The following UTS2 variants were observed in gnomAD, a reference collection of about 807,000 sequenced individuals.
UTS2 encodes urotensin-2.
A neutral mutation model predicts 12.6 loss-of-function variants in UTS2; 10 were observed. The ratio of observed to expected loss-of-function variants is 0.80; its 90% confidence interval spans 0.49 to 1.35. The LOEUF is 1.35. Among genes scored for constraint, UTS2 ranks in the 40% most tolerant of loss-of-function variants. The probability of loss-of-function intolerance (pLI) is 0.00; values close to 1 mark genes in which losing one functional copy is unlikely to be tolerated. For missense variants in UTS2, 142 were observed against 143.2 expected (o/e 0.99, Z 0.04); for synonymous variants, 52 against 50.0 (o/e 1.04, Z -0.17).
the UTS2 span, among the ~76,000 whole-genome samples, chr1:7,879,307 T>C: frequency 6.6e-6 from 1 of 152,128 alleles, no homozygotes; most frequent in Non-Finnish European, 1.5e-5. Flanking sequence ...TCATATCAAG[T>C]ATCTTCTCAA....
chr1:7,862,974 TTATTTATTGTGTTGTGTTGTATTGTA>T, the UTS2 span, among the ~76,000 whole-genome samples: 1 of 129,470 alleles, frequency 7.7e-6, no homozygotes, highest in African/African-American at 3.0e-5. Flanking sequence ...CTGACGGCCG[TTATTTATTGTGTTGTGTTGTATTGTA>T]TTGTATTGTA....
At chr1:7,853,550 A>C, upstream of UTS2, 3 of 1,401,354 alleles carry the variant, frequency 2.1e-6, no homozygotes, top group Non-Finnish European at 2.9e-6. Flanking sequence ...TAAAACAGTG[A>C]AAAGTTAAAA....
the UTS2 span, among the ~76,000 whole-genome samples, chr1:7,892,103 GT>G: frequency 2.0e-5 from 3 of 152,222 alleles, no homozygotes; most frequent in Non-Finnish European, 4.4e-5. Flanking sequence ...CTGTAGCTCC[GT>G]TGTGCCTGAC....
chr1:7,899,979 G>A, the UTS2 span, among the ~76,000 whole-genome samples: 1 of 152,320 alleles, frequency 6.6e-6, no homozygotes, highest in South Asian at 2.1e-4. Context: ...GACAGCAATC[G>A]CAGAGAGAGC....
At chr1:7,894,521 C>T in the UTS2 span, among the ~76,000 whole-genome samples, 3 of 152,068 alleles carry the variant, frequency 2.0e-5, no homozygotes, top group Admixed American at 6.6e-5. Flanking sequence ...GAAACAGAAC[C>T]CTGCCCCTCT....
At chr1:7,906,415 A>AAAAG in the UTS2 span, among the ~76,000 whole-genome samples, 19 of 140,666 alleles carry the variant, frequency 1.4e-4, no homozygotes, top group African/African-American at 4.4e-4. Context: ...AGAAAGAAAG[A>AAAAG]AAAGAAAGAA....
the UTS2 span, among the ~76,000 whole-genome samples, chr1:7,861,241 A>G: frequency 6.1e-3 from 922 of 152,208 alleles, 4 homozygotes; most frequent in Non-Finnish European, 9.1e-3. Flanking sequence ...CGAGTTTGGA[A>G]TAGGTTGGAG....
At chr1:7,890,728 CA>C in the UTS2 span, among the ~76,000 whole-genome samples, 73 of 107,304 alleles carry the variant, frequency 6.8e-4, no homozygotes, top group Middle Eastern at 5.7e-3. Flanking sequence ...CCCATCTCCA[CA>C]AAAAAAAAAA....
chr1:7,853,023 G>T lies in UTS2; in HGVS notation c.-20C>A. On this transcript the variant is annotated 5_prime_UTR_variant, in exon 1 of 4. Transcript: ENST00000361696. Reference sequence around the variant, plus strand: ...ATACATGATCGCCACAAGATAGACGGCTTCCTTCTTGGCTTCTGTTGTAGA... The same window carrying T: ...ATACATGATCGCCACAAGATAGACGTCTTCCTTCTTGGCTTCTGTTGTAGA... 1 of 1,597,706 alleles carries T rather than the reference G, an allele frequency of 6.3e-7. No homozygotes were observed. Among genetic ancestry groups the T allele is most frequent in the East Asian group, 2.2e-5 (1 of 44,742 alleles).
chr1:7,863,100 A>C, the UTS2 span, among the ~76,000 whole-genome samples: 1 of 129,840 alleles, frequency 7.7e-6, no homozygotes, highest in South Asian at 2.4e-4. Context: ...ATTGTATTGT[A>C]TTGTATTGTA....
At chr1:7,910,558 C>G in the UTS2 span, among the ~76,000 whole-genome samples, 3 of 152,184 alleles carry the variant, frequency 2.0e-5, no homozygotes, top group Admixed American at 2.0e-4. Context: ...ACGTCTGTAT[C>G]TTTGGGTCTT....
chr1:7,856,931 G>A (rs1638320899), upstream of UTS2, among the ~76,000 whole-genome samples: 1 of 152,010 alleles, frequency 6.6e-6, no homozygotes, highest in Non-Finnish European at 1.5e-5. Context: ...AGTAGTGGTG[G>A]GCGCCTATGA....
chr1:7,895,102 C>T, the UTS2 span, among the ~76,000 whole-genome samples: 1 of 152,168 alleles, frequency 6.6e-6, no homozygotes, highest in Admixed American at 6.5e-5. Context: ...GGCACGGTGG[C>T]TCACACCTGT....
chr1:7,908,956 G>A, the UTS2 span, among the ~76,000 whole-genome samples: 2 of 151,972 alleles, frequency 1.3e-5, no homozygotes, highest in South Asian at 4.2e-4. Flanking sequence ...ACAGGTGCGT[G>A]CCACCACACC....
chr1:7,854,760 A>G (rs953775011), upstream of UTS2, among the ~76,000 whole-genome samples: 4 of 152,140 alleles, frequency 2.6e-5, no homozygotes, highest in Non-Finnish European at 5.9e-5. Context: ...TCTCATCACA[A>G]AAAAATGCTA....
At chr1:7,884,941 T>TCATC in the UTS2 span, among the ~76,000 whole-genome samples, 13,319 of 145,288 alleles carry the variant, frequency 0.092, 960 homozygotes, top group African/African-American at 0.19. Flanking sequence ...CACCTATCAT[T>TCATC]CATCCATCCA....
chr1:7,866,612 G>A, the UTS2 span, among the ~76,000 whole-genome samples: 2 of 152,120 alleles, frequency 1.3e-5, no homozygotes, highest in Non-Finnish European at 2.9e-5. This position sits in a 1 kb window ranked among gnomAD's most constrained non-coding sequence, Gnocchi z 4.5. Flanking sequence ...GCAGCCAAGG[G>A]CTCCACTCAG....
chr1:7,909,644 G>A, the UTS2 span, among the ~76,000 whole-genome samples: 205 of 150,542 alleles, frequency 1.4e-3, no homozygotes, highest in African/African-American at 4.8e-3. Flanking sequence ...TTTTTGAGAC[G>A]GAGTCTCACT....
At chr1:7,883,934 C>T in the UTS2 span, among the ~76,000 whole-genome samples, 1 of 152,036 alleles carries the variant, frequency 6.6e-6, no homozygotes. Context: ...CCTGCCTCAG[C>T]CTCCTGAGTA....
Sources: gnomAD v4.1 joint callset for allele counts (sites outside exome capture counted in the v4.1 genomes callset) on GRCh38, gnomAD v4.1.1 for gene constraint, Gnocchi (gnomAD v3.1) non-coding constraint, MANE v1.5 for transcripts, NCBI Gene and HGNC (gene_info 2026-07-23, HGNC 2026-07-21) for gene names.